The following PRKG1 variants were observed in gnomAD, a reference collection of about 807,000 sequenced individuals.
The protein encoded by PRKG1 is protein kinase cGMP-dependent 1.
In PRKG1, 35 loss-of-function variants were observed where a neutral mutation model predicts 88.1. That is an observed-to-expected ratio of 0.40 (90% confidence interval 0.30 to 0.53). The LOEUF (loss-of-function observed/expected upper bound fraction) is 0.53. PRKG1 is among the 20% of genes least tolerant of loss of function. The pLI is 0.59. For missense variants in PRKG1, 540 were observed against 839.8 expected, an observed-to-expected ratio of 0.64 and a Z score of 4.41; for synonymous variants, 303 against 292.5, an observed-to-expected ratio of 1.04 and a Z score of -0.37.
At position 51,861,282 on chromosome 10, in the gene PRKG1, TAAC is replaced by T. The variant is rs200361471; in HGVS notation, c.699-46220_699-46218del. Among the ~76,000 whole-genome samples the T allele has an allele frequency of 5.1e-3, 784 of 152,310 alleles. 10 individuals are homozygous for T. The highest frequency in any genetic ancestry group is 0.018 in the African/African-American group (752 of 41,558). Reference sequence around the variant, plus strand: ...GGGTAGAAAAATAGAATTTATGTAATAACAACATTTGTCAACTTGGATAGAGTT... The same window carrying T: ...GGGTAGAAAAATAGAATTTATGTAATAACATTTGTCAACTTGGATAGAGTT... On this transcript the variant is annotated intron_variant, in intron 4 of 17. Coordinates refer to ENST00000373980, the MANE Select transcript of PRKG1 (RefSeq NM_006258.4).
chr10:51,886,214 A>G (rs1009106555), intron 4 of PRKG1, among the ~76,000 whole-genome samples: 2 of 152,124 alleles, frequency 1.3e-5, no homozygotes, highest in Admixed American at 6.5e-5. Flanking sequence ...CTTAATATGT[A>G]TTTTACAGCC....
At chr10:52,271,212 A>G in intron 10 of PRKG1, 138 bp from the exon 11 acceptor site, 1 of 869,776 alleles carries the variant, frequency 1.1e-6, no homozygotes, top group Non-Finnish European at 1.7e-6. Context: ...ACGCAGCTCT[A>G]CCAAGGATTT....
intron 3 of PRKG1, among the ~76,000 whole-genome samples, chr10:51,470,653 G>A (rs1015327366): frequency 3.3e-5 from 5 of 151,854 alleles, no homozygotes; most frequent in African/African-American, 1.2e-4. Context: ...AATTGTATCA[G>A]GCTGTTAATA....
Position 51,697,795 on chromosome 10 carries a change from T to C in PRKG1, c.593-106790T>C, listed in dbSNP as rs770112516. ...GCATGGCAATCTGATCTGCAGTCAG[T>C]TGAAGAACCTGCATGATCAAAGCTG... On this transcript the variant is annotated intron_variant, in intron 3 of 17. Transcript: ENST00000373980. 5.6e-6 allele frequency: 9 copies of C among 1,614,156 alleles called. No homozygotes were observed. In the East Asian group the frequency reaches 1.3e-4, roughly 24 times the overall value.
At chr10:51,076,064 A>T (rs1338888019) in intron 1 of PRKG1, among the ~76,000 whole-genome samples, 5 of 152,230 alleles carry the variant, frequency 3.3e-5, no homozygotes, top group Non-Finnish European at 7.3e-5. Flanking sequence ...AGTTAATATA[A>T]GGAGAAAGTA....
intron 1 of PRKG1, among the ~76,000 whole-genome samples, chr10:51,117,422 C>G (rs1298377062): frequency 6.6e-6 from 1 of 152,212 alleles, no homozygotes; most frequent in Admixed American, 6.5e-5. Context: ...TAATTGAGGT[C>G]TTGGCTGATG....
At chr10:51,330,720 A>AT (rs1841719228) in intron 2 of PRKG1, among the ~76,000 whole-genome samples, 1 of 149,892 alleles carries the variant, frequency 6.7e-6, no homozygotes, top group Non-Finnish European at 1.5e-5. Flanking sequence ...GGTCACATTG[A>AT]TTTCTTCATT....
intron 9 of PRKG1, among the ~76,000 whole-genome samples, chr10:52,199,647 G>A (rs559666328): frequency 2.0e-5 from 3 of 152,216 alleles, no homozygotes; most frequent in African/African-American, 7.2e-5. Context: ...GAAATACTGG[G>A]AACTTCTCGA....
At chr10:52,003,717 C>T (rs967013669) in intron 5 of PRKG1, among the ~76,000 whole-genome samples, 3 of 152,186 alleles carry the variant, frequency 2.0e-5, no homozygotes, top group African/African-American at 7.2e-5. Context: ...GAGCAATCCA[C>T]AAGCTGTTAT....
At chr10:51,095,676 T>C (rs150957363) in intron 1 of PRKG1, among the ~76,000 whole-genome samples, 1 of 152,160 alleles carries the variant, frequency 6.6e-6, no homozygotes, top group South Asian at 2.1e-4. Context: ...ATTGGCGCAG[T>C]GTGATACTCA....
intron 1 of PRKG1, among the ~76,000 whole-genome samples, chr10:51,083,703 G>A (rs9415713): frequency 0.033 from 5,087 of 152,170 alleles, 276 homozygotes; most frequent in African/African-American, 0.11. Flanking sequence ...GGTCGGAGAC[G>A]ACACCTGCAA....
intron 5 of PRKG1, among the ~76,000 whole-genome samples, chr10:52,014,785 A>T (rs1221260014): frequency 6.6e-6 from 1 of 152,238 alleles, no homozygotes; most frequent in Non-Finnish European, 1.5e-5. Flanking sequence ...ATTGGCCAAA[A>T]CAAAGGGGCC....
intron 7 of PRKG1, among the ~76,000 whole-genome samples, chr10:52,124,523 A>G (rs1253445903): frequency 6.6e-6 from 1 of 152,190 alleles, no homozygotes; most frequent in African/African-American, 2.4e-5. Flanking sequence ...GGGTGAGTCA[A>G]TGAGTGAGTG....
intron 2 of PRKG1, among the ~76,000 whole-genome samples, chr10:51,444,045 A>G (rs967588530): frequency 2.7e-5 from 4 of 150,184 alleles, no homozygotes; most frequent in African/African-American, 7.5e-5. Flanking sequence ...TCTTTAGGGG[A>G]AAAAAAATGC....
chr10:51,695,236 G>A (rs1401715207), intron 3 of PRKG1, among the ~76,000 whole-genome samples: 1 of 152,100 alleles, frequency 6.6e-6, no homozygotes, highest in African/African-American at 2.4e-5. Flanking sequence ...TCTCTCTGGG[G>A]AACATAAGCT....
At chr10:51,799,510 C>A (rs1564651605) in intron 3 of PRKG1, among the ~76,000 whole-genome samples, 1 of 151,722 alleles carries the variant, frequency 6.6e-6, no homozygotes, top group Non-Finnish European at 1.5e-5. Context: ...AAATATCTAG[C>A]AATCCCCGTG....
intron 2 of PRKG1, among the ~76,000 whole-genome samples, chr10:51,225,842 T>C (rs927054520): frequency 7.9e-5 from 12 of 152,178 alleles, no homozygotes; most frequent in Non-Finnish European, 4.4e-5. Context: ...CAGAAACTAG[T>C]ACTCTTTTAA....
chr10:51,412,008 A>G (rs1195964628), intron 2 of PRKG1, among the ~76,000 whole-genome samples: 1 of 152,196 alleles, frequency 6.6e-6, no homozygotes, highest in Non-Finnish European at 1.5e-5. Context: ...TAAACAGAAA[A>G]GTGTCTCATT....
At chr10:51,954,126 A>AGGC (rs1843248750) in intron 5 of PRKG1, among the ~76,000 whole-genome samples, 1 of 152,182 alleles carries the variant, frequency 6.6e-6, no homozygotes, top group African/African-American at 2.4e-5. Flanking sequence ...TAAAAAAGTT[A>AGGC]GAGGATCCCA....
Sources: allele counts gnomAD v4.1 joint callset (sites outside exome capture counted in the v4.1 genomes callset), GRCh38; gene constraint gnomAD v4.1.1; transcripts MANE v1.5; gene names NCBI Gene and HGNC (gene_info 2026-07-23, HGNC 2026-07-21).